Variants in UBE2U observed in about 807,000 individuals in gnomAD.
UBE2U encodes ubiquitin-conjugating enzyme E2 U.
Under a neutral mutation model 41.2 loss-of-function variants are expected in UBE2U, and 39 were observed. The ratio of observed to expected loss-of-function variants is 0.95; its 90% CI spans 0.73 to 1.24. The LOEUF (loss-of-function observed/expected upper bound fraction) is 1.24, where lower values mean the gene tolerates loss of function less well. Among genes scored for constraint, UBE2U ranks in the 50% most tolerant of loss-of-function variants. The pLI, the probability that UBE2U is intolerant of heterozygous loss-of-function variation, is 0.00. For missense variants in UBE2U, 336 were observed against 363.1 expected (o/e 0.93, Z 0.61); for synonymous variants, 107 against 117.8 (o/e 0.91, Z 0.60).
At chr1:64,231,671 A>G (rs1644569090) in intron 6 of UBE2U, among the ~76,000 whole-genome samples, 1 of 152,196 alleles carries the variant, frequency 6.6e-6, no homozygotes, top group South Asian at 2.1e-4. Context: ...AAGTTGAGTC[A>G]AATACTTAAT....
At chr1:64,249,729 A>G (rs1644977334) in intron 8 of UBE2U, among the ~76,000 whole-genome samples, 1 of 152,154 alleles carries the variant, frequency 6.6e-6, no homozygotes, top group African/African-American at 2.4e-5. Context: ...TCTTTAAAAA[A>G]AGATAGAAAA....
At chr1:64,204,225 A>G in intron 1 of UBE2U, 109 bp downstream of exon 1, 1 of 868,690 alleles carries the variant, frequency 1.2e-6, no homozygotes, top group Non-Finnish European at 1.7e-6. Context: ...CTGATTTGCC[A>G]CTACAGTATT....
rs562046927 is a variant in UBE2U at position 64,255,325 on chromosome 1, A to G, written c.678-5278A>G. Among the ~76,000 whole-genome samples, 5 of 152,314 alleles carry G rather than the reference A, an allele frequency of 3.3e-5. No individual in the cohort carries two copies. The South Asian group carries it at 1.0e-3, about 32-fold the overall frequency. Reference sequence around the variant, plus strand: ...CAGAACCAGACAGATTCACAGCTGAATTCTACCAGAGGTACAGAGAAGAGC... The same window carrying G: ...CAGAACCAGACAGATTCACAGCTGAGTTCTACCAGAGGTACAGAGAAGAGC... On this transcript the variant is annotated intron_variant, in intron 8 of 9. Coordinates refer to ENST00000371077, the MANE Select transcript of UBE2U (RefSeq NM_001366232.2).
chr1:64,205,789 T>A, intron 2 of UBE2U, 69 bp downstream of exon 2: 1 of 1,287,460 alleles, frequency 7.8e-7, no homozygotes, highest in Admixed American at 1.9e-5. Flanking sequence ...ATCCTCTTTT[T>A]ATGTAGGATA....
At chr1:64,239,157 A>AAGAAGGAAGAAGAAG in intron 7 of UBE2U, among the ~76,000 whole-genome samples, 5 of 37,060 alleles carry the variant, frequency 1.3e-4, no homozygotes, top group Non-Finnish European at 2.3e-4. Flanking sequence ...GAAGAAGAAG[A>AAGAAGGAAGAAGAAG]AAGAAGAAGA....
At chr1:64,240,592 T>G (rs1644818862) in intron 7 of UBE2U, among the ~76,000 whole-genome samples, 1 of 152,198 alleles carries the variant, frequency 6.6e-6, no homozygotes, top group African/African-American at 2.4e-5. Flanking sequence ...ATTCTTGCTT[T>G]GTGAAGGATC....
intron 7 of UBE2U, among the ~76,000 whole-genome samples, chr1:64,235,137 C>T (rs1644641742): frequency 6.6e-6 from 1 of 152,214 alleles, no homozygotes; most frequent in South Asian, 2.1e-4. Flanking sequence ...GCACCACTGA[C>T]CACAGTTTCT....
At chr1:64,239,074 G>GGAAGAGGAA (rs1644731508) in intron 7 of UBE2U, among the ~76,000 whole-genome samples, 1 of 62,714 alleles carries the variant, frequency 1.6e-5, no homozygotes, top group Non-Finnish European at 3.0e-5. Flanking sequence ...AAGAGGAAGA[G>GGAAGAGGAA]GAAGAGGAAG....
At chr1:64,231,200 G>GAAAA (rs904291985) in intron 6 of UBE2U, among the ~76,000 whole-genome samples, 15 of 151,700 alleles carry the variant, frequency 9.9e-5, no homozygotes, top group African/African-American at 3.4e-4. Flanking sequence ...CCTGGGAAGG[G>GAAAA]AAAAGGTCAT....
intron 6 of UBE2U, among the ~76,000 whole-genome samples, chr1:64,223,135 G>T (rs1477984539): frequency 6.6e-6 from 1 of 152,172 alleles, no homozygotes; most frequent in Non-Finnish European, 1.5e-5. Context: ...AGCATATGTT[G>T]TATACCAGGC....
At chr1:64,209,435 C>T (rs1329968744) in intron 3 of UBE2U, among the ~76,000 whole-genome samples, 2 of 152,114 alleles carry the variant, frequency 1.3e-5, no homozygotes, top group Non-Finnish European at 2.9e-5. Flanking sequence ...TCTGACCATA[C>T]TGGGTATAGT....
intron 7 of UBE2U, among the ~76,000 whole-genome samples, chr1:64,235,475 C>T (rs1644648270): frequency 6.6e-6 from 1 of 152,146 alleles, no homozygotes; most frequent in African/African-American, 2.4e-5. Flanking sequence ...TGAGATCCAA[C>T]ACTATCTTTT....
At chr1:64,248,181 G>A (rs971201109) in intron 8 of UBE2U, among the ~76,000 whole-genome samples, 1 of 151,908 alleles carries the variant, frequency 6.6e-6, no homozygotes, top group Non-Finnish European at 1.5e-5. Context: ...TAATGGGTTC[G>A]CTCTCCCTCT....
At chr1:64,248,378 G>C (rs1202274499) in intron 8 of UBE2U, among the ~76,000 whole-genome samples, 1 of 152,178 alleles carries the variant, frequency 6.6e-6, no homozygotes, top group Non-Finnish European at 1.5e-5. Flanking sequence ...AGGCAGGAAT[G>C]AGAAGGAAGC....
chr1:64,223,581 G>GA (rs1325154852), intron 6 of UBE2U, among the ~76,000 whole-genome samples: 1 of 152,172 alleles, frequency 6.6e-6, no homozygotes, highest in Non-Finnish European at 1.5e-5. Context: ...CTTTTAAGTG[G>GA]AACTGCCTCT....
chr1:64,216,506 A>G (rs1652024347), intron 5 of UBE2U, among the ~76,000 whole-genome samples: 1 of 152,230 alleles, frequency 6.6e-6, no homozygotes, highest in Non-Finnish European at 1.5e-5. Flanking sequence ...GAAAACTAAC[A>G]TAGGACAAAC....
intron 6 of UBE2U, among the ~76,000 whole-genome samples, chr1:64,230,797 G>A (rs929561462): frequency 1.4e-4 from 22 of 152,156 alleles, no homozygotes; most frequent in Non-Finnish European, 2.9e-4. Flanking sequence ...ACTAGTCCAG[G>A]TATATATCTT....
At chr1:64,219,707 T>G (rs1652293679) in intron 5 of UBE2U, among the ~76,000 whole-genome samples, 1 of 151,994 alleles carries the variant, frequency 6.6e-6, no homozygotes, top group Non-Finnish European at 1.5e-5. Context: ...GCCATTCTCC[T>G]GCCTCAGCCT....
At chr1:64,210,281 TG>T (rs1651586236) in intron 3 of UBE2U, among the ~76,000 whole-genome samples, 1 of 152,264 alleles carries the variant, frequency 6.6e-6, no homozygotes, top group Non-Finnish European at 1.5e-5. Flanking sequence ...GCCAAGCTCC[TG>T]TACATCTTTC....
Sources: allele counts gnomAD v4.1 joint callset (sites outside exome capture counted in the v4.1 genomes callset), GRCh38; gene constraint gnomAD v4.1.1; transcripts MANE v1.5; gene names NCBI Gene and HGNC (gene_info 2026-07-23, HGNC 2026-07-21).